The following KITLG variants were observed in gnomAD, a reference collection of about 807,000 sequenced individuals.
The protein encoded by KITLG is c-Kit ligand.
In KITLG, 13 loss-of-function variants were observed where a neutral mutation model predicts 34.1. The observed-to-expected ratio is 0.38, with a 90% CI of 0.25 to 0.61. The LOEUF is 0.61. KITLG is among the 20% of genes least tolerant of loss of function. The pLI is 0.60. For missense variants in KITLG, 292 were observed against 318.9 expected (o/e 0.92, Z 0.64); for synonymous variants, 110 against 104.0 (o/e 1.06, Z -0.35).
intron 4 of KITLG, among the ~76,000 whole-genome samples, chr12:88,518,459 G>A (rs1869535624): frequency 6.6e-6 from 1 of 152,152 alleles, no homozygotes; most frequent in African/African-American, 2.4e-5. Flanking sequence ...GCATTGTAAT[G>A]TAAATAAGTT....
rs780142419 is a variant in KITLG, at chr12:88,506,351, C to A, written c.742G>T (p.Val248Phe). 1.2e-6 allele frequency: 2 copies of A among 1,610,422 alleles called. No homozygotes were observed. Among genetic ancestry groups the A allele is most frequent in the Non-Finnish European group, 1.7e-6 (2 of 1,176,656 alleles). ...KKRQPSLTRA[V>F]ENIQINEEDN... ...TCTTCATTAATTTGTATATTTTCAACTGCCCTTGTAAGACTTGGCTGTCTC... is the reference window on the plus strand; with the variant it reads ...TCTTCATTAATTTGTATATTTTCAAATGCCCTTGTAAGACTTGGCTGTCTC... Residue 248 changes from valine to phenylalanine, a missense_variant, in exon 8 of 10, where the codon GTT becomes TTT. Around this residue, in one of 2 missense-constraint regions of KITLG, gnomAD observed 140 missense variants for 111.0 expected, o/e 1.26. Coordinates refer to ENST00000644744, the MANE Select transcript of KITLG (RefSeq NM_000899.5).
At chr12:88,532,872 T>G (rs1456779912) in intron 2 of KITLG, among the ~76,000 whole-genome samples, 1 of 152,080 alleles carries the variant, frequency 6.6e-6, no homozygotes, top group African/African-American at 2.4e-5. Flanking sequence ...TACATGCTTT[T>G]TATGTCAGTG....
intron 3 of KITLG, among the ~76,000 whole-genome samples, chr12:88,526,143 TGAA>T (rs1311577424): frequency 1.3e-5 from 2 of 152,164 alleles, no homozygotes; most frequent in African/African-American, 4.8e-5. Flanking sequence ...CAGAGAGTCA[TGAA>T]CATTAGGTTC....
intron 1 of KITLG, among the ~76,000 whole-genome samples, chr12:88,561,149 G>A (rs1245070412): frequency 6.6e-6 from 1 of 151,994 alleles, no homozygotes; most frequent in Non-Finnish European, 1.5e-5. Flanking sequence ...TTATCATTCT[G>A]GGCCTCAGTT....
chr12:88,555,593 C>A (rs970396918), intron 1 of KITLG, among the ~76,000 whole-genome samples: 1 of 152,078 alleles, frequency 6.6e-6, no homozygotes, highest in Non-Finnish European at 1.5e-5. Flanking sequence ...TTAACTCAAT[C>A]AGTTTCAAAT....
At chr12:88,515,865 G>T (rs937430395) in intron 5 of KITLG, among the ~76,000 whole-genome samples, 1 of 151,610 alleles carries the variant, frequency 6.6e-6, no homozygotes, top group Non-Finnish European at 1.5e-5. Context: ...ACACATTGAT[G>T]GTAATTTCTC....
chr12:88,536,301 T>C (rs11104935), intron 2 of KITLG, among the ~76,000 whole-genome samples: 13,445 of 152,096 alleles, frequency 0.088, 628 homozygotes, highest in Non-Finnish European at 0.1. Context: ...AAAAATTGCT[T>C]AACCTCACTA....
chr12:88,497,523 C>T (rs1423273446), intron 9 of KITLG, among the ~76,000 whole-genome samples: 1 of 152,170 alleles, frequency 6.6e-6, no homozygotes, highest in Admixed American at 6.6e-5. Flanking sequence ...TTAATAGACA[C>T]TCAATAAATA....
chr12:88,498,220 AC>A (rs2120779232), intron 9 of KITLG, among the ~76,000 whole-genome samples: 1 of 152,256 alleles, frequency 6.6e-6, no homozygotes, highest in East Asian at 1.9e-4. Flanking sequence ...TTGTTTATCA[AC>A]CCAGCATCAC....
At chr12:88,504,842 C>T (rs552828581) in intron 9 of KITLG, among the ~76,000 whole-genome samples, 54 of 151,996 alleles carry the variant, frequency 3.6e-4, no homozygotes, top group Non-Finnish European at 6.3e-4. Context: ...AGGCTGGAAA[C>T]CATCATTCTG....
intron 1 of KITLG, chr12:88,564,275 C>T (rs1871377113): frequency 6.6e-6 from 1 of 152,064 alleles, no homozygotes; most frequent in African/African-American, 2.4e-5. Context: ...CTTCTTGGAG[C>T]AGAAAAGGGG....
At chr12:88,507,265 G>T in intron 6 of KITLG, 128 bp from the exon 7 acceptor site, 1 of 648,692 alleles carries the variant, frequency 1.5e-6, no homozygotes, top group South Asian at 1.8e-5. Context: ...GTATTCAAAA[G>T]ATTGATTTTT....
intron 2 of KITLG, among the ~76,000 whole-genome samples, chr12:88,538,026 A>C (rs1308041035): frequency 2.0e-5 from 3 of 152,178 alleles, no homozygotes; most frequent in Non-Finnish European, 4.4e-5. Context: ...TCACATGGGA[A>C]TCATATAGAA....
chr12:88,574,384 C>T (rs945000161), intron 1 of KITLG, among the ~76,000 whole-genome samples: 7 of 152,122 alleles, frequency 4.6e-5, no homozygotes, highest in Non-Finnish European at 8.8e-5. Context: ...AAGCACTGTT[C>T]CAAGGATGGT....
In KITLG at chr12:88,494,258, T is replaced by C. The variant is rs2120767314; in HGVS notation, c.*2961A>G. On this transcript the variant is annotated 3_prime_UTR_variant, in exon 10 of 10. Transcript: ENST00000644744. ...TTAAATATACATAATGCCTAAAAGCTCCAAACTGAAATTACATTTTGAAAT... is the reference window on the plus strand; with the variant it reads ...TTAAATATACATAATGCCTAAAAGCCCCAAACTGAAATTACATTTTGAAAT... 1 of 152,016 alleles carries C rather than the reference T, an allele frequency of 6.6e-6. No homozygotes were observed. Among genetic ancestry groups the C allele is most frequent in the East Asian group, 1.9e-4 (1 of 5,182 alleles). The allele number at this position is 152,016 out of a possible 1,614,324, so 9.4% of individuals were successfully genotyped here.
chr12:88,562,634 A>G (rs1871332713), intron 1 of KITLG, among the ~76,000 whole-genome samples: 1 of 152,226 alleles, frequency 6.6e-6, no homozygotes, highest in Admixed American at 6.5e-5. Context: ...CTAAATTCAA[A>G]TAGTGACGAT....
rs1216447118 is a variant in KITLG at position 88,495,407 on chromosome 12, T to C, written c.*1812A>G. ...CCTATCAGCAATTTAAATTGATCTCTGGTTTTATTACTAATCAAGTGTACC... is the reference window on the plus strand; with the variant it reads ...CCTATCAGCAATTTAAATTGATCTCCGGTTTTATTACTAATCAAGTGTACC... On this transcript the variant is annotated 3_prime_UTR_variant, in exon 10 of 10. Transcript: ENST00000644744. 3.3e-5 allele frequency: 5 copies of C among 152,386 alleles called. No homozygotes were observed. Among genetic ancestry groups the C allele is most frequent in the Admixed American group, 3.3e-4 (5 of 15,248 alleles). The allele number at this position is 152,386 out of a possible 1,614,324, so 9.4% of individuals were successfully genotyped here.
At chr12:88,507,772 AG>A (rs1471777626) in intron 6 of KITLG, among the ~76,000 whole-genome samples, 1 of 152,188 alleles carries the variant, frequency 6.6e-6, no homozygotes, top group East Asian at 1.9e-4. Context: ...GAATGGTTGA[AG>A]GCACTAGTGT....
chr12:88,529,068 T>A (rs978044601), intron 3 of KITLG, among the ~76,000 whole-genome samples: 4 of 152,186 alleles, frequency 2.6e-5, no homozygotes, highest in Non-Finnish European at 5.9e-5. Context: ...TCTGATTTGA[T>A]CATTACACAC....
Sources: allele counts gnomAD v4.1 joint callset (sites outside exome capture counted in the v4.1 genomes callset), GRCh38; gene constraint gnomAD v4.1.1; regional missense constraint gnomAD v4.1.1; transcripts MANE v1.5; gene names NCBI Gene and HGNC (gene_info 2026-07-23, HGNC 2026-07-21).